CHI3L1: variants seen among roughly 807,000 people sequenced by gnomAD.
CHI3L1 encodes chitinase 3 like 1.
CHI3L1 carries 30 observed loss-of-function variants against 40.7 expected under a neutral mutation model. The ratio of observed to expected loss-of-function variants is 0.74; its 90% confidence interval spans 0.55 to 1.00. CHI3L1 has a LOEUF of 1.00. Ranked by LOEUF, CHI3L1 falls within the 50% of genes least tolerant of loss-of-function variation. The pLI is 0.00. For synonymous variants in CHI3L1, 210 were observed against 192.1 expected (o/e 1.09, Z -0.77); for missense variants, 493 against 492.2 (o/e 1.00, Z -0.01).
chr1:203,181,036 T>C (rs752320158), intron 7 of CHI3L1, 126 bp downstream of exon 7: 19 of 1,264,578 alleles, frequency 1.5e-5, no homozygotes, highest in Non-Finnish European at 2.1e-5. Context: ...TCCTTATCTG[T>C]GGAATGGGCC....
chr1:203,181,535 C>T (rs966701009), intron 6 of CHI3L1: 28 of 319,528 alleles, frequency 8.8e-5, no homozygotes, highest in East Asian at 5.0e-4. Flanking sequence ...GCAGGAGAAT[C>T]GCTTGAACCC....
intron 2 of CHI3L1, among the ~76,000 whole-genome samples, chr1:203,185,652 G>C (rs1016670059): frequency 4.6e-5 from 7 of 152,218 alleles, no homozygotes; most frequent in African/African-American, 1.4e-4. Context: ...GGCACTGTGT[G>C]GGGGAAGGGT....
chr1:203,180,177 CA>C lies in CHI3L1; in HGVS notation c.894+292del, dbSNP rs1024236569. ...CAGAGTAGCAGAGGCTAGAGTGAAACAAAAAATCTGCCTCTTGACCTCTGCT... is the reference window on the plus strand; with the variant it reads ...CAGAGTAGCAGAGGCTAGAGTGAAACAAAAATCTGCCTCTTGACCTCTGCT... On this transcript the variant is annotated intron_variant, in intron 8 of 9. Transcript: ENST00000255409. 1.8e-4 allele frequency: 102 copies of C among 559,160 alleles called. 1 individual carries two copies. Among genetic ancestry groups the C allele is most frequent in the South Asian group, 1.1e-3 (48 of 45,368 alleles). The allele number at this position is 559,160 out of a possible 1,614,324, so 34.6% of individuals were successfully genotyped here.
At position 203,180,662 on chromosome 1, in the gene CHI3L1, G is replaced by A. The variant is rs748314597; in HGVS notation, c.712-10C>T. ...ACCCCACAGCATAGTCCTGGGTGGG[G>A]TAGGGTGGGAACAACGTGAGCAGTT... On this transcript the variant is annotated splice_polypyrimidine_tract_variant and intron_variant, in intron 7 of 9. Transcript: ENST00000255409. The A allele has an allele frequency of 1.3e-6, 1 of 753,772 alleles. No homozygotes were observed. Among genetic ancestry groups the A allele is most frequent in the South Asian group, 1.4e-5 (1 of 69,982 alleles). 46.7% of individuals were successfully genotyped at this position (753,772 alleles called of 1,614,324 possible). A position where few individuals can be genotyped will look rare whatever the true frequency, so the allele number is the denominator to read the frequency against.
intron 1 of CHI3L1, 59 bp downstream of exon 1, chr1:203,186,540 G>A: frequency 6.2e-7 from 1 of 1,607,592 alleles, no homozygotes; most frequent in East Asian, 2.2e-5. Context: ...TGGCTCTGCG[G>A]GCTGTCTGGG....
intron 3 of CHI3L1, 135 bp downstream of exon 3, chr1:203,185,049 C>A (rs868399028): frequency 2.1e-5 from 15 of 704,662 alleles, no homozygotes; most frequent in South Asian, 2.1e-4. Flanking sequence ...CCCCTCCACC[C>A]ATTTAAGCCA....
chr1:203,181,588 G>A (rs936876457), intron 6 of CHI3L1: 1 of 202,868 alleles, frequency 4.9e-6, no homozygotes, highest in Non-Finnish European at 1.0e-5. Context: ...CTGGGCAACA[G>A]AGTGAGATTT....
At position 203,183,791 on chromosome 1, in the gene CHI3L1, T is replaced by G. The variant is rs1249950294; in HGVS notation, c.315A>C (p.Arg105Ser). The change falls in exon 5 of 10, where the codon AGA (arginine) becomes AGC (serine). Residue 105 changes from arginine to serine, a missense_variant and splice_region_variant. By Grantham distance (110) the Arg-to-Ser change is moderately radical. Coordinates refer to ENST00000255409, the MANE Select transcript of CHI3L1 (RefSeq NM_001276.4). ...GGGTGTTGGAGGCTATCTTGGAAAA[T>G]CTAGGACCAAAATCAGCCCTGTAGC... The part of the protein sequence containing the change: ...SVGGWNFGSQ[R>S]FSKIASNTQS... 6.2e-7 allele frequency: 1 copy of G among 1,614,020 alleles called. No individual in the cohort carries two copies. Among genetic ancestry groups the G allele is most frequent in the Admixed American group, 1.7e-5 (1 of 60,012 alleles).
chr1:203,182,994 T>A, intron 5 of CHI3L1, 142 bp from the exon 6 acceptor site: 1 of 808,750 alleles, frequency 1.2e-6, no homozygotes, highest in Non-Finnish European at 1.9e-6. Flanking sequence ...ATAAAGTGGC[T>A]CATCAGTGGT....
rs780912649 is a variant in CHI3L1, at chr1:203,179,765, C to G, written c.1007G>C (p.Ser336Thr). The G allele has an allele frequency of 6.2e-7, 1 of 1,614,214 alleles. No homozygotes were observed. Among genetic ancestry groups the G allele is most frequent in the South Asian group, 1.1e-5 (1 of 91,086 alleles). The part of the protein sequence containing the change: ...VGYDDQESVK[S>T]KVQYLKDRQL... ...TGTGGCCTTGGGGAAACCTACCTTGCTTTTGACGCTTTCCTGGTCGTCGTA... is the reference window on the plus strand; with the variant it reads ...TGTGGCCTTGGGGAAACCTACCTTGGTTTTGACGCTTTCCTGGTCGTCGTA... Residue 336 changes from serine to threonine, a missense_variant, in exon 9 of 10, where the codon AGC becomes ACC. Ser to Thr is a moderately conservative substitution (Grantham distance 58, BLOSUM62 1). Transcript: ENST00000255409.
intron 2 of CHI3L1, among the ~76,000 whole-genome samples, 194 bp from the exon 3 acceptor site, chr1:203,185,579 G>A (rs576829031): frequency 4.0e-4 from 61 of 152,314 alleles, no homozygotes; most frequent in African/African-American, 1.4e-3. Context: ...CCTGACTGGT[G>A]AAAATAAGGC....
Sources: gnomAD v4.1 joint callset for allele counts (sites outside exome capture counted in the v4.1 genomes callset) on GRCh38, gnomAD v4.1.1 for gene constraint, MANE v1.5 for transcripts, NCBI Gene and HGNC (gene_info 2026-07-23, HGNC 2026-07-21) for gene names.